Variants in MCHR2 observed in about 807,000 individuals in gnomAD.
MCHR2 encodes melanin-concentrating hormone receptor 2.
MCHR2 carries 15 observed loss-of-function variants against 24.8 expected under a neutral mutation model. The ratio of observed to expected loss-of-function variants is 0.60; its 90% CI spans 0.40 to 0.93. The LOEUF (loss-of-function observed/expected upper bound fraction) is 0.93. MCHR2 is among the 40% of genes least tolerant of loss of function. MCHR2 has a pLI of 0.00. For missense variants in MCHR2, 386 were observed against 408.7 expected, an observed-to-expected ratio of 0.94 and a Z score of 0.48; for synonymous variants, 151 against 147.6, an observed-to-expected ratio of 1.02 and a Z score of -0.17.
At chr6:99,929,230 C>T (rs1015469332) in intron 5 of MCHR2, among the ~76,000 whole-genome samples, 2 of 152,142 alleles carry the variant, frequency 1.3e-5, no homozygotes, top group Admixed American at 1.3e-4. Flanking sequence ...TGATCTTTTA[C>T]ATTTGCTGAG....
Position 99,947,772 on chromosome 6 carries a change from T to A in MCHR2, c.382A>T (p.Ser128Cys). 1 of 1,613,604 alleles carries A rather than the reference T, an allele frequency of 6.2e-7. No homozygotes were observed. Among genetic ancestry groups the A allele is most frequent in the Non-Finnish European group, 8.5e-7 (1 of 1,179,694 alleles). Residue 128 changes from serine (S) to cysteine (C), a missense_variant, in exon 3 of 6, where the codon AGT becomes TGT. Physicochemically the swap from Ser to Cys is moderately radical, Grantham distance 112. Transcript: ENST00000281806. ...FACSAIMTVM[S>C]VDRYFALVQP... The stretch of plus-strand genomic sequence containing the variant: ...AAGTCTTTCACTTACCTGTCCACAC[T>A]CATTACAGTCATGATGGCACTACAG...
At chr6:99,980,252 G>A (rs1775639168) in intron 1 of MCHR2, among the ~76,000 whole-genome samples, 1 of 152,124 alleles carries the variant, frequency 6.6e-6, no homozygotes, top group Non-Finnish European at 1.5e-5. Flanking sequence ...CTCACCTATG[G>A]GGATGAGTGA....
chr6:99,943,298 T>A lies in MCHR2; in HGVS notation c.393-155A>T, dbSNP rs536527976. Among the ~76,000 whole-genome samples, 130 of 150,310 alleles carry A rather than the reference T, an allele frequency of 8.6e-4. 1 individual carries two copies. The South Asian group carries it at 0.025, about 29-fold the overall frequency. On this transcript the variant is annotated intron_variant, in intron 3 of 5. Coordinates refer to ENST00000281806, the MANE Select transcript of MCHR2 (RefSeq NM_001040179.2). ...AAGAAAGTTTTATATATATATATAT[T>A]TTAATTTTTATTTATTTTTTTAAAT...
intron 5 of MCHR2, among the ~76,000 whole-genome samples, chr6:99,927,269 T>A (rs938685166): frequency 3.3e-5 from 5 of 152,254 alleles, no homozygotes; most frequent in African/African-American, 4.8e-5. Flanking sequence ...TCAGGTAGCA[T>A]GATGCCTCCA....
intron 1 of MCHR2, among the ~76,000 whole-genome samples, chr6:99,990,846 C>T (rs1433724895): frequency 6.6e-6 from 1 of 150,714 alleles, no homozygotes; most frequent in Non-Finnish European, 1.5e-5. Context: ...CCTCAGTATC[C>T]ACCTCTCCTC....
intron 1 of MCHR2, among the ~76,000 whole-genome samples, chr6:99,987,285 C>G (rs1348725727): frequency 6.6e-6 from 1 of 151,994 alleles, no homozygotes; most frequent in Non-Finnish European, 1.5e-5. Context: ...ACTTTAAATA[C>G]TTGTTTTGTC....
Position 99,918,981 on chromosome 6 carries a change from A to G in MCHR2, c.*1959T>C, listed in dbSNP as rs1774170463. Among the ~76,000 whole-genome samples, 1 of 152,176 alleles carries G rather than the reference A, an allele frequency of 6.6e-6. No individual in the cohort carries two copies. The highest frequency in any genetic ancestry group is 1.5e-5 in the Non-Finnish European group (1 of 68,024). ...TTTTCTGTATTAAAAAAACAATGAAAGTAAGCAATTGCTCTTCAATTATCA... is the reference window on the plus strand; with the variant it reads ...TTTTCTGTATTAAAAAAACAATGAAGGTAAGCAATTGCTCTTCAATTATCA... On this transcript the variant is annotated 3_prime_UTR_variant, in exon 6 of 6. Transcript: ENST00000281806.
intron 3 of MCHR2, among the ~76,000 whole-genome samples, chr6:99,945,520 T>C (rs922766630): frequency 6.6e-5 from 10 of 152,146 alleles, no homozygotes; most frequent in African/African-American, 2.4e-4. Context: ...AAATGAGTTA[T>C]TGGAAACACT....
At chr6:99,964,060 T>G (rs2114555312) in intron 1 of MCHR2, among the ~76,000 whole-genome samples, 1 of 152,270 alleles carries the variant, frequency 6.6e-6, no homozygotes, top group South Asian at 2.1e-4. Flanking sequence ...AGGAAAAGGC[T>G]AATTAAAAGC....
chr6:99,977,245 G>A (rs1465828535), intron 1 of MCHR2, among the ~76,000 whole-genome samples: 1 of 152,162 alleles, frequency 6.6e-6, no homozygotes, highest in African/African-American at 2.4e-5. Context: ...TGTATTAGCT[G>A]GAAGCGAATG....
At chr6:99,958,096 A>G (rs1387328094) in intron 1 of MCHR2, among the ~76,000 whole-genome samples, 1 of 151,988 alleles carries the variant, frequency 6.6e-6, no homozygotes, top group African/African-American at 2.4e-5. Context: ...AATTATAAAG[A>G]TACAGTAATC....
At chr6:99,928,335 G>A (rs1774418544) in intron 5 of MCHR2, among the ~76,000 whole-genome samples, 1 of 151,318 alleles carries the variant, frequency 6.6e-6, no homozygotes. Flanking sequence ...TTGGTATCAG[G>A]ATGACGCTGG....
At chr6:99,983,353 G>T in intron 1 of MCHR2, among the ~76,000 whole-genome samples, 1 of 152,144 alleles carries the variant, frequency 6.6e-6, no homozygotes, top group Non-Finnish European at 1.5e-5. Flanking sequence ...GTCTATAGAG[G>T]ATGTCACAAG....
Position 99,950,319 on chromosome 6 carries a change from TCTA to T in MCHR2, c.183-2351_183-2349del, listed in dbSNP as rs1242944447. On this transcript the variant is annotated intron_variant, in intron 2 of 5. Coordinates refer to ENST00000281806, the MANE Select transcript of MCHR2 (RefSeq NM_001040179.2). ...ACAATTAAATAGAAATTGTAAAATT[TCTA>T]ACTATATAAATTATATCCCTTTTTA... 5.3e-5 allele frequency among the ~76,000 whole-genome samples: 8 copies of T among 152,308 alleles called. No individual in the cohort carries two copies. The East Asian group carries it at 1.5e-3, about 29-fold the overall frequency.
At chr6:99,937,943 G>C (rs1183670818) in intron 4 of MCHR2, among the ~76,000 whole-genome samples, 1 of 151,762 alleles carries the variant, frequency 6.6e-6, no homozygotes, top group Admixed American at 6.6e-5. Flanking sequence ...CAGGCTGTTT[G>C]TGTCCAGGAA....
At chr6:99,946,411 CAA>C (rs993711313) in intron 3 of MCHR2, among the ~76,000 whole-genome samples, 6 of 152,066 alleles carry the variant, frequency 3.9e-5, no homozygotes, top group African/African-American at 1.4e-4. Flanking sequence ...ATGAACTTTG[CAA>C]TTCTTTTTTT....
rs1774187970 is a variant in MCHR2 at position 99,919,816 on chromosome 6, C to T, written c.*1124G>A. 6.6e-6 allele frequency: 1 copy of T among 151,806 alleles called. No individual in the cohort carries two copies. Among genetic ancestry groups the T allele is most frequent in the African/African-American group, 2.4e-5 (1 of 41,292 alleles). 9.4% of individuals were successfully genotyped at this position (151,806 alleles called of 1,614,324 possible). On this transcript the variant is annotated 3_prime_UTR_variant, in exon 6 of 6. Coordinates refer to ENST00000281806, the MANE Select transcript of MCHR2 (RefSeq NM_001040179.2). ...GATCTCGGCTCACTGTAACCTCCAC[C>T]TCCTGGGTTCAAGCAATTCTCCTGC... is the stretch of plus-strand genomic sequence containing the variant.
intron 1 of MCHR2, among the ~76,000 whole-genome samples, chr6:99,975,543 C>G (rs549294043): frequency 6.6e-6 from 1 of 152,370 alleles, no homozygotes; most frequent in South Asian, 2.1e-4. Context: ...ATGCCTCGCC[C>G]TGCTTCAGCT....
intron 1 of MCHR2, among the ~76,000 whole-genome samples, chr6:99,964,557 C>A (rs1438261347): frequency 8.5e-5 from 13 of 152,138 alleles, no homozygotes; most frequent in African/African-American, 2.9e-4. Context: ...AGAAATGCCA[C>A]ATGCTAATAA....
Sources: allele counts gnomAD v4.1 joint callset (sites outside exome capture counted in the v4.1 genomes callset), GRCh38; gene constraint gnomAD v4.1.1; transcripts MANE v1.5; gene names NCBI Gene and HGNC (gene_info 2026-07-23, HGNC 2026-07-21).